ARF1: variants seen among roughly 807,000 people sequenced by gnomAD.
ARF1 encodes ARF GTPase 1, also known as ADP-ribosylation factor 1.
ARF1 carries 1 observed loss-of-function variant against 18.0 expected under a neutral mutation model. The ratio of observed to expected loss-of-function variants is 0.06; its 90% confidence interval spans 0.02 to 0.26. The LOEUF (loss-of-function observed/expected upper bound fraction) is 0.26. Ranked by LOEUF, ARF1 falls within the 10% of genes least tolerant of loss-of-function variation. The pLI, the probability that ARF1 is intolerant of heterozygous loss-of-function variation, is 1.00. For missense variants in ARF1, 73 were observed against 247.2 expected, an observed-to-expected ratio of 0.30 and a Z score of 4.73; for synonymous variants, 112 against 96.3, an observed-to-expected ratio of 1.16 and a Z score of -0.95.
rs751679760 is a variant in ARF1, at chr1:228,098,026, T to A, written c.*13T>A. 3.1e-6 allele frequency: 5 copies of A among 1,602,220 alleles called. No homozygotes were observed. The highest frequency in any genetic ancestry group is 4.3e-6 in the Non-Finnish European group (5 of 1,171,964). On this transcript the variant is annotated 3_prime_UTR_variant, in exon 5 of 5. Coordinates refer to ENST00000272102, the MANE Select transcript of ARF1 (RefSeq NM_001658.4). ...GAACCAGAAGTGAACGCGACCCCCC[T>A]CCCTCTCACTCCTCTTGCCCTCTGC...
chr1:228,092,371 C>T (rs1025212852), intron 1 of ARF1, among the ~76,000 whole-genome samples: 2 of 152,154 alleles, frequency 1.3e-5, no homozygotes, highest in African/African-American at 4.8e-5. Flanking sequence ...TCGCTTGAGC[C>T]CAGGAGCTCA....
chr1:228,083,654 C>T (rs1336093585), intron 1 of ARF1: 2 of 152,294 alleles, frequency 1.3e-5, no homozygotes, highest in Non-Finnish European at 2.9e-5. Context: ...GAATCTTTAA[C>T]CTGCCTGCGG....
rs1295488454 is a variant in ARF1, at chr1:228,097,953, C to T, written c.486C>T (p.Ser162=). 8.7e-6 allele frequency: 14 copies of T among 1,614,176 alleles called. No homozygotes were observed. The highest frequency in any genetic ancestry group is 1.6e-4 in the Middle Eastern group (1 of 6,062). ...NWYIQATCAT[S]GDGLYEGLDW... is the part of the protein sequence containing the mutation. ...ACATTCAGGCCACCTGCGCCACCAGCGGCGACGGGCTCTATGAAGGACTGG... is the reference window on the plus strand; with the variant it reads ...ACATTCAGGCCACCTGCGCCACCAGTGGCGACGGGCTCTATGAAGGACTGG... Residue 162 remains serine (S), a synonymous_variant, in exon 5 of 5, where the codon AGC becomes AGT. Transcript: ENST00000272102. This position sits in a 1 kb window ranked among gnomAD's most constrained non-coding sequence, Gnocchi z 8.1.
chr1:228,084,906 T>G (rs887259765), intron 1 of ARF1, among the ~76,000 whole-genome samples: 1 of 152,220 alleles, frequency 6.6e-6, no homozygotes, highest in African/African-American at 2.4e-5. Flanking sequence ...CAGGCCAGGC[T>G]CCACCAAGCT....
chr1:228,084,883 C>A (rs1422026984), intron 1 of ARF1, among the ~76,000 whole-genome samples: 2 of 152,182 alleles, frequency 1.3e-5, no homozygotes, highest in African/African-American at 4.8e-5. Flanking sequence ...GTATTTAAAC[C>A]TGCTGTTACT....
At position 228,095,111 on chromosome 1, in the gene ARF1, G is replaced by A. The variant is rs117741092; in HGVS notation, c.-37-1967G>A. On this transcript the variant is annotated intron_variant, in intron 1 of 4. Transcript: ENST00000272102. ...TCTGCCTTCTGAGCACCTTCATTTT[G>A]AATTTTCCTTTTCAGCTATTTGTGT... Among the ~76,000 whole-genome samples, 556 of 152,188 alleles carry A rather than the reference G, an allele frequency of 3.7e-3. 11 individuals are homozygous for A. Among genetic ancestry groups the A allele is most frequent in the East Asian group, 0.03 (157 of 5,180 alleles).
chr1:228,083,966 C>T (rs1287750885), intron 1 of ARF1, among the ~76,000 whole-genome samples: 1 of 152,186 alleles, frequency 6.6e-6, no homozygotes, highest in African/African-American at 2.4e-5. Context: ...GTGCCACTGC[C>T]CCTGTTGGAG....
At position 228,097,723 on chromosome 1, in the gene ARF1, C is replaced by A; in HGVS notation, c.384+8C>A. ...GTGTTCGCCAACAAGCAGGTAGGCG[C>A]CCGGGCCAGCCTGGGGAATGTGAGG... is the stretch of plus-strand genomic sequence containing the variant. On this transcript the variant is annotated splice_region_variant and intron_variant, in intron 4 of 4. Coordinates refer to ENST00000272102, the MANE Select transcript of ARF1 (RefSeq NM_001658.4). This position sits in a 1 kb window ranked among gnomAD's most constrained non-coding sequence, Gnocchi z 8.1. The A allele has an allele frequency of 6.2e-7, 1 of 1,602,308 alleles. No homozygotes were observed. The highest frequency in any genetic ancestry group is 2.2e-5 in the East Asian group (1 of 44,792).
Position 228,087,242 on chromosome 1 carries a change from G to A in ARF1, c.-38+4477G>A, listed in dbSNP as rs575996771. ...AAGTTATTTTTGCAGTACCATATAC[G>A]CTATGCGGGAAACTTTTAAGTATTT... On this transcript the variant is annotated intron_variant, in intron 1 of 4. Transcript: ENST00000272102. Among the ~76,000 whole-genome samples the A allele has an allele frequency of 2.6e-5, 4 of 152,224 alleles. No homozygotes were observed. In the South Asian group the frequency reaches 6.2e-4, roughly 24 times the overall value.
At position 228,098,131 on chromosome 1, in the gene ARF1, G is replaced by A. The variant is rs1297868331; in HGVS notation, c.*118G>A. ...CCGTGGTTTGGTCACCGTGTGCATC[G>A]CACCGTGCTGTAAATGTGGCAGACG... On this transcript the variant is annotated 3_prime_UTR_variant, in exon 5 of 5. Transcript: ENST00000272102. 4.8e-6 allele frequency: 6 copies of A among 1,250,238 alleles called. No individual in the cohort carries two copies. Among genetic ancestry groups the A allele is most frequent in the African/African-American group, 3.0e-5 (2 of 65,704 alleles). The allele number at this position is 1,250,238 out of a possible 1,614,324, so 77.4% of individuals were successfully genotyped here. A position where few individuals can be genotyped will look rare whatever the true frequency, so the allele number is the denominator to read the frequency against.
chr1:228,086,237 T>C (rs748941295), intron 1 of ARF1, among the ~76,000 whole-genome samples: 1 of 152,210 alleles, frequency 6.6e-6, no homozygotes, highest in Non-Finnish European at 1.5e-5. Flanking sequence ...AGCATGAGGC[T>C]GGGCGTAGTG....
At position 228,098,019 on chromosome 1, in the gene ARF1, AC is replaced by A. The variant is rs746250685; in HGVS notation, c.*12del. ...AGCTCCGGAACCAGAAGTGAACGCGACCCCCCTCCCTCTCACTCCTCTTGCC... is the reference window on the plus strand; with the variant it reads ...AGCTCCGGAACCAGAAGTGAACGCGACCCCCTCCCTCTCACTCCTCTTGCC... On this transcript the variant is annotated 3_prime_UTR_variant, in exon 5 of 5. Transcript: ENST00000272102. The A allele has an allele frequency of 6.2e-7, 1 of 1,603,986 alleles. No individual in the cohort carries two copies. The highest frequency in any genetic ancestry group is 2.2e-5 in the East Asian group (1 of 44,570).
rs1158247792 is a variant in ARF1, at chr1:228,098,601, TC to T, written c.*592del. ...CAATTCTGCATGGTCACAGTAGAGA[TC>T]CCCGCAACTCGCTTGTCCTTGGGTC... On this transcript the variant is annotated 3_prime_UTR_variant, in exon 5 of 5. Transcript: ENST00000272102. The T allele has an allele frequency of 6.6e-6, 1 of 152,524 alleles. No homozygotes were observed. The highest frequency in any genetic ancestry group is 2.4e-5 in the African/African-American group (1 of 41,424). 9.4% of individuals were successfully genotyped at this position (152,524 alleles called of 1,614,324 possible). A position where few individuals can be genotyped will look rare whatever the true frequency, so the allele number is the denominator to read the frequency against.
intron 1 of ARF1, among the ~76,000 whole-genome samples, chr1:228,093,323 A>G (rs2032629238): frequency 6.6e-6 from 1 of 151,756 alleles, no homozygotes; most frequent in African/African-American, 2.4e-5. Context: ...GTTGCTGTGG[A>G]CTCTTTCTCC....
At chr1:228,095,056 A>C (rs575640121) in intron 1 of ARF1, among the ~76,000 whole-genome samples, 1 of 152,132 alleles carries the variant, frequency 6.6e-6, no homozygotes, top group South Asian at 2.1e-4. Flanking sequence ...GTTACTCCTC[A>C]TCTTCCTTTT....
chr1:228,096,925 A>G (rs1016607004), intron 1 of ARF1, among the ~76,000 whole-genome samples, 153 bp from the exon 2 acceptor site: 5 of 151,882 alleles, frequency 3.3e-5, no homozygotes, highest in Non-Finnish European at 7.4e-5. Context: ...CCTGAGGTGG[A>G]TTTGGGGGGC....
chr1:228,084,906 T>C (rs887259765), intron 1 of ARF1, among the ~76,000 whole-genome samples: 1 of 152,220 alleles, frequency 6.6e-6, no homozygotes. Context: ...CAGGCCAGGC[T>C]CCACCAAGCT....
chr1:228,096,306 C>T (rs2032744666), intron 1 of ARF1: 1 of 152,300 alleles, frequency 6.6e-6, no homozygotes, highest in Admixed American at 6.5e-5. Flanking sequence ...GTAAGCCCCG[C>T]TTGCGGGTGC....
chr1:228,088,614 C>T (rs1015126472), intron 1 of ARF1, among the ~76,000 whole-genome samples: 18 of 152,198 alleles, frequency 1.2e-4, no homozygotes, highest in African/African-American at 3.4e-4. Context: ...GTATTGTTCT[C>T]TTCAGAATCA....
Sources: gnomAD v4.1 joint callset for allele counts (sites outside exome capture counted in the v4.1 genomes callset) on GRCh38, gnomAD v4.1.1 for gene constraint, Gnocchi (gnomAD v3.1) non-coding constraint, MANE v1.5 for transcripts, NCBI Gene and HGNC (gene_info 2026-07-23, HGNC 2026-07-21) for gene names.